The following FILIP1 variants were observed in gnomAD, a reference collection of about 807,000 sequenced individuals.
FILIP1 encodes filamin A interacting protein 1.
FILIP1 carries 61 observed loss-of-function variants against 102.1 expected under a neutral mutation model. That is an observed-to-expected ratio of 0.60 (90% CI 0.49 to 0.74). The LOEUF (loss-of-function observed/expected upper bound fraction) is 0.74. FILIP1 is among the 30% of genes least tolerant of loss of function. The probability of loss-of-function intolerance (pLI) is 0.00; values close to 1 mark genes in which losing one functional copy is unlikely to be tolerated. For synonymous variants in FILIP1, 491 were observed against 526.9 expected (o/e 0.93, Z 0.93); for missense variants, 1,314 against 1,441.2 (o/e 0.91, Z 1.43).
At chr6:75,338,838 T>A (rs1774328931) in intron 4 of FILIP1, among the ~76,000 whole-genome samples, 1 of 152,158 alleles carries the variant, frequency 6.6e-6, no homozygotes, top group African/African-American at 2.4e-5. Flanking sequence ...TCCAACTAGT[T>A]TGGAATGCGG....
chr6:75,483,526 C>T (rs1779704484), intron 1 of FILIP1, among the ~76,000 whole-genome samples: 1 of 151,988 alleles, frequency 6.6e-6, no homozygotes, highest in Non-Finnish European at 1.5e-5. Context: ...TTATATTGGT[C>T]CCCAAGAGAA....
At chr6:75,294,042 C>A (rs1772607709) in exon 7 of FILIP1, 1 of 152,164 alleles carries the variant, frequency 6.6e-6, no homozygotes, top group South Asian at 2.1e-4. Flanking sequence ...TGTAACATTT[C>A]TTTTACTTTA....
chr6:75,437,587 G>T (rs1255842639), intron 1 of FILIP1, among the ~76,000 whole-genome samples: 1 of 152,136 alleles, frequency 6.6e-6, no homozygotes, highest in African/African-American at 2.4e-5. Context: ...TGAGGTAACT[G>T]CCACAAGTAC....
At position 75,397,265 on chromosome 6, in the gene FILIP1, AAAT is replaced by A. The variant is rs746444747; in HGVS notation, c.276+17429_276+17431del. Among the ~76,000 whole-genome samples, 11 of 152,038 alleles carry A rather than the reference AAAT, an allele frequency of 7.2e-5. 1 individual carries two copies. The highest frequency in any genetic ancestry group is 3.4e-3 in the Middle Eastern group (1 of 294). On this transcript the variant is annotated intron_variant, in intron 2 of 5. Coordinates refer to ENST00000237172, the MANE Select transcript of FILIP1 (RefSeq NM_015687.5). Reference sequence around the variant, plus strand: ...TAATAAATATAAAAAATTCTAAAAAAAATAATAAGTCATGTTAGATATTGCAAA... The same window carrying A: ...TAATAAATATAAAAAATTCTAAAAAAAATAAGTCATGTTAGATATTGCAAA...
chr6:75,297,729 T>G (rs945949962), intron 6 of FILIP1, among the ~76,000 whole-genome samples: 3 of 152,154 alleles, frequency 2.0e-5, no homozygotes, highest in Admixed American at 2.0e-4. Flanking sequence ...AAAAAAAAAT[T>G]CTGCAGTAGA....
chr6:75,378,622 T>G (rs1248771130), intron 2 of FILIP1, among the ~76,000 whole-genome samples: 8 of 152,192 alleles, frequency 5.3e-5, no homozygotes, highest in Admixed American at 4.6e-4. Flanking sequence ...AGTGAACTGA[T>G]GCACAACTCT....
downstream of FILIP1, among the ~76,000 whole-genome samples, chr6:75,307,250 G>T (rs370612666): frequency 6.6e-6 from 1 of 152,110 alleles, no homozygotes; most frequent in South Asian, 2.1e-4. Flanking sequence ...TAGAAAATCT[G>T]GTGTGGAAAG....
Position 75,451,881 on chromosome 6 carries a change from G to A in FILIP1, c.-6-36903C>T, listed in dbSNP as rs564153923. The stretch of plus-strand genomic sequence containing the variant: ...ATTACAAAACTAAATGCTGGTAAAT[G>A]TATGGTGAGATAAGCACTCTCATAC... On this transcript the variant is annotated intron_variant, in intron 1 of 5. Transcript: ENST00000237172. Among the ~76,000 whole-genome samples, 16 of 152,218 alleles carry A rather than the reference G, an allele frequency of 1.1e-4. No homozygotes were observed. The South Asian group carries it at 3.3e-3, about 32-fold the overall frequency.
chr6:75,316,814 T>C (rs1164222390), intron 4 of FILIP1, among the ~76,000 whole-genome samples: 2 of 152,214 alleles, frequency 1.3e-5, no homozygotes, highest in Non-Finnish European at 2.9e-5. Context: ...TCCTTACATG[T>C]AGAAAACAGC....
At chr6:75,322,470 TAAA>T (rs1177994158) in intron 4 of FILIP1, among the ~76,000 whole-genome samples, 2 of 152,064 alleles carry the variant, frequency 1.3e-5, no homozygotes, top group Admixed American at 6.6e-5. Context: ...AGACTAAGAC[TAAA>T]AAAATAAATT....
rs144328909 is a variant in FILIP1 at position 75,411,550 on chromosome 6, G to C, written c.276+3147C>G. Among the ~76,000 whole-genome samples the C allele has an allele frequency of 5.5e-4, 83 of 152,204 alleles. 2 individuals carry two copies. In the East Asian group the frequency reaches 0.015, roughly 28 times the overall value. ...TTCTTCTAGGGCTTTTATGGTTTTA[G>C]GTCTTATGTTTAAATCTTTAATCCA... On this transcript the variant is annotated intron_variant, in intron 2 of 5. Transcript: ENST00000237172.
chr6:75,435,504 G>A (rs1777988977), intron 1 of FILIP1, among the ~76,000 whole-genome samples: 1 of 152,176 alleles, frequency 6.6e-6, no homozygotes, highest in Non-Finnish European at 1.5e-5. Context: ...TTCACACAAT[G>A]AGAACTTAAA....
intron 1 of FILIP1, among the ~76,000 whole-genome samples, chr6:75,447,516 TTGTAGACC>T (rs1778478174): frequency 6.6e-6 from 1 of 152,134 alleles, no homozygotes; most frequent in Admixed American, 6.5e-5. Context: ...ATCCATGGAT[TTGTAGACC>T]TGTGCTTTAC....
chr6:75,317,211 G>A (rs961333329), intron 4 of FILIP1, among the ~76,000 whole-genome samples: 2 of 152,138 alleles, frequency 1.3e-5, no homozygotes, highest in Non-Finnish European at 2.9e-5. Flanking sequence ...ACCAGTAGAG[G>A]AAAGAGGGAG....
At chr6:75,449,682 T>A (rs1457099992) in intron 1 of FILIP1, among the ~76,000 whole-genome samples, 1 of 151,802 alleles carries the variant, frequency 6.6e-6, no homozygotes, top group Non-Finnish European at 1.5e-5. Flanking sequence ...AGTAGGACAT[T>A]GAAGGAAATG....
intron 2 of FILIP1, among the ~76,000 whole-genome samples, chr6:75,363,371 G>A (rs1189596949): frequency 2.0e-5 from 3 of 152,202 alleles, no homozygotes; most frequent in Admixed American, 6.5e-5. Context: ...AACTTCATGT[G>A]TAATTAACAA....
intron 1 of FILIP1, among the ~76,000 whole-genome samples, chr6:75,421,616 T>C (rs1777468650): frequency 6.6e-6 from 1 of 152,162 alleles, no homozygotes; most frequent in Non-Finnish European, 1.5e-5. Context: ...CTCTCTTCCC[T>C]ACTTCAGCTC....
intron 6 of FILIP1, among the ~76,000 whole-genome samples, chr6:75,296,341 TTGTGTGTGTGTGTGTGTGTGTGTG>T (rs57430339): frequency 7.1e-6 from 1 of 141,484 alleles, no homozygotes; most frequent in African/African-American, 2.7e-5. Flanking sequence ...TTCAATTTCT[TTGTGTGTGTGTGTGTGTGTGTGTG>T]TGTGTGTGTG....
chr6:75,474,103 A>T (rs931241311), intron 1 of FILIP1, among the ~76,000 whole-genome samples: 1 of 152,202 alleles, frequency 6.6e-6, no homozygotes, highest in African/African-American at 2.4e-5. Context: ...TCACACATTT[A>T]TATCTCCAAA....
Sources: allele counts gnomAD v4.1 joint callset (sites outside exome capture counted in the v4.1 genomes callset), GRCh38; gene constraint gnomAD v4.1.1; transcripts MANE v1.5; gene names NCBI Gene and HGNC (gene_info 2026-07-23, HGNC 2026-07-21).